SLC25A31: variants seen among roughly 807,000 people sequenced by gnomAD.
SLC25A31 encodes the protein ADP/ATP translocase 4.
Under a neutral mutation model 36.2 loss-of-function variants are expected in SLC25A31, and 40 were observed. The observed-to-expected ratio is 1.10, with a 90% CI of 0.86 to 1.44. The LOEUF (loss-of-function observed/expected upper bound fraction) is 1.44. Ranked by LOEUF, SLC25A31 falls within the 40% of genes most tolerant of loss-of-function variation. SLC25A31 has a pLI of 0.00. For synonymous variants in SLC25A31, 143 were observed against 149.7 expected, an observed-to-expected ratio of 0.96 and a Z score of 0.32; for missense variants, 350 against 397.1, an observed-to-expected ratio of 0.88 and a Z score of 1.01.
chr4:127,748,924 C>A (rs1181821588), intron 2 of SLC25A31, among the ~76,000 whole-genome samples: 1 of 151,682 alleles, frequency 6.6e-6, no homozygotes, highest in East Asian at 1.9e-4. Context: ...AATAACAGAC[C>A]CCAAACAAAT....
intron 2 of SLC25A31, among the ~76,000 whole-genome samples, chr4:127,755,722 T>G (rs1192670331): frequency 6.6e-6 from 1 of 152,104 alleles, no homozygotes; most frequent in Non-Finnish European, 1.5e-5. Context: ...TAGAAAATAA[T>G]ATAGAAGTAC....
intron 2 of SLC25A31, among the ~76,000 whole-genome samples, chr4:127,752,327 C>G (rs1279328152): frequency 6.6e-6 from 1 of 151,854 alleles, no homozygotes. Context: ...GGACAAAAAA[C>G]CAAACACCGC....
chr4:127,731,082 C>T (rs923280652), intron 1 of SLC25A31, among the ~76,000 whole-genome samples: 1 of 152,212 alleles, frequency 6.6e-6, no homozygotes, highest in Admixed American at 6.5e-5. Flanking sequence ...GAGTGGTTGA[C>T]CTCCCAGGAT....
intron 2 of SLC25A31, among the ~76,000 whole-genome samples, chr4:127,753,509 A>G (rs1320964048): frequency 6.6e-6 from 1 of 152,156 alleles, no homozygotes; most frequent in East Asian, 1.9e-4. Flanking sequence ...GCAAAAGATC[A>G]TAAGAGTATT....
intron 2 of SLC25A31, among the ~76,000 whole-genome samples, chr4:127,762,914 A>G (rs1560639082): frequency 6.6e-6 from 1 of 150,772 alleles, no homozygotes; most frequent in African/African-American, 2.4e-5. Flanking sequence ...ACAGAGCGAG[A>G]CTCTGTCTCA....
At chr4:127,767,396 C>T (rs1732266293) in intron 4 of SLC25A31, among the ~76,000 whole-genome samples, 176 bp downstream of exon 4, 1 of 152,094 alleles carries the variant, frequency 6.6e-6, no homozygotes, top group Non-Finnish European at 1.5e-5. Context: ...TAAATTATAA[C>T]TGCAGTATGG....
chr4:127,739,783 CT>C (rs1389583620), intron 1 of SLC25A31, among the ~76,000 whole-genome samples: 3 of 151,800 alleles, frequency 2.0e-5, no homozygotes, highest in African/African-American at 7.3e-5. Flanking sequence ...TATTAAAATT[CT>C]TTTTTCTGTA....
At chr4:127,756,783 A>G (rs1354310198) in intron 2 of SLC25A31, among the ~76,000 whole-genome samples, 1 of 152,194 alleles carries the variant, frequency 6.6e-6, no homozygotes, top group Non-Finnish European at 1.5e-5. Flanking sequence ...CAACAAAATA[A>G]GATATCACTA....
At chr4:127,751,633 G>A (rs577952069) in intron 2 of SLC25A31, among the ~76,000 whole-genome samples, 79 of 152,212 alleles carry the variant, frequency 5.2e-4, no homozygotes, top group African/African-American at 1.9e-3. Flanking sequence ...GAGTGAACAG[G>A]CAACCTACAG....
intron 2 of SLC25A31, among the ~76,000 whole-genome samples, chr4:127,755,236 AC>A (rs2148760079): frequency 6.6e-6 from 1 of 152,322 alleles, no homozygotes; most frequent in Non-Finnish European, 1.5e-5. Context: ...TTTGGATATG[AC>A]CCTAAGAGCA....
At chr4:127,762,444 G>T (rs534044878) in intron 2 of SLC25A31, among the ~76,000 whole-genome samples, 7 of 152,214 alleles carry the variant, frequency 4.6e-5, no homozygotes, top group Middle Eastern at 3.4e-3. Context: ...GATGTGGAGT[G>T]ACTTATAACA....
At position 127,768,841 on chromosome 4, in the gene SLC25A31, T is replaced by C; in HGVS notation, c.723T>C (p.Tyr241=). The part of the protein sequence containing the change: ...VVTTCSGILS[Y]PFDTVRRRMM... ...CTACATGCTCTGGAATACTTTCTTA[T>C]CCCTTTGACACAGTTAGAAGACGTA... Residue 241 remains tyrosine, a synonymous_variant, in exon 5 of 6, where the codon TAT becomes TAC. Coordinates refer to ENST00000281154, the MANE Select transcript of SLC25A31 (RefSeq NM_031291.4). 1 of 1,607,494 alleles carries C rather than the reference T, an allele frequency of 6.2e-7. No homozygotes were observed. The highest frequency in any genetic ancestry group is 8.5e-7 in the Non-Finnish European group (1 of 1,177,290).
intron 1 of SLC25A31, 97 bp from the exon 2 acceptor site, chr4:127,744,575 A>G: frequency 3.9e-6 from 4 of 1,015,562 alleles, no homozygotes; most frequent in Non-Finnish European, 5.4e-6. Context: ...AAGAAAGAGT[A>G]TGTTTTAGAT....
At chr4:127,761,490 G>A (rs938203012) in intron 2 of SLC25A31, among the ~76,000 whole-genome samples, 3 of 152,096 alleles carry the variant, frequency 2.0e-5, no homozygotes, top group Non-Finnish European at 4.4e-5. Context: ...CACCTCTACG[G>A]ACCAAACTAT....
chr4:127,764,439 A>G, intron 3 of SLC25A31, 79 bp downstream of exon 3: 1 of 1,192,832 alleles, frequency 8.4e-7, no homozygotes, highest in Non-Finnish European at 1.2e-6. Context: ...TAATTGTGCT[A>G]TAATAGTGTT....
intron 2 of SLC25A31, among the ~76,000 whole-genome samples, chr4:127,749,753 A>G (rs866866979): frequency 6.6e-6 from 1 of 150,484 alleles, no homozygotes; most frequent in African/African-American, 2.4e-5. Flanking sequence ...CACTCCTGTT[A>G]TCCCAGATCC....
intron 3 of SLC25A31, among the ~76,000 whole-genome samples, chr4:127,766,488 CTTTGTTTTGT>C (rs538687692): frequency 1.4e-3 from 208 of 151,818 alleles, no homozygotes; most frequent in Non-Finnish European, 2.0e-3. Flanking sequence ...CTAAGTGTTT[CTTTGTTTTGT>C]TTTGTTTTGT....
At chr4:127,754,619 T>G (rs906880907) in intron 2 of SLC25A31, among the ~76,000 whole-genome samples, 11 of 150,294 alleles carry the variant, frequency 7.3e-5, no homozygotes, top group Non-Finnish European at 1.0e-4. Context: ...AAAACACTGA[T>G]TAAAGAAACT....
chr4:127,748,271 C>T (rs73847059), intron 2 of SLC25A31, among the ~76,000 whole-genome samples: 1,526 of 152,300 alleles, frequency 0.01, 26 homozygotes, highest in African/African-American at 0.033. Flanking sequence ...TCCTATAAAT[C>T]GGCTCCTGCC....
Sources: gnomAD v4.1 joint callset for allele counts (sites outside exome capture counted in the v4.1 genomes callset) on GRCh38, gnomAD v4.1.1 for gene constraint, MANE v1.5 for transcripts, NCBI Gene and HGNC (gene_info 2026-07-23, HGNC 2026-07-21) for gene names.